The following YWHAE variants were observed in gnomAD, a reference collection of about 807,000 sequenced individuals.
The protein encoded by YWHAE is 14-3-3 protein epsilon.
In YWHAE, 4 loss-of-function variants were observed where a neutral mutation model predicts 30.1. The observed-to-expected ratio is 0.13, with a 90% confidence interval of 0.07 to 0.30. The LOEUF (loss-of-function observed/expected upper bound fraction) is 0.30. Ranked by LOEUF, YWHAE falls within the 10% of genes least tolerant of loss-of-function variation. YWHAE has a pLI of 1.00. For missense variants in YWHAE, 121 were observed against 315.9 expected (o/e 0.38, Z 4.68); for synonymous variants, 118 against 111.8 (o/e 1.06, Z -0.35).
At chr17:1,399,944 C>T in intron 1 of YWHAE, 103 bp downstream of exon 1, 1 of 1,438,572 alleles carries the variant, frequency 7.0e-7, no homozygotes, top group Non-Finnish European at 9.8e-7. Flanking sequence ...GCCCCCGGGC[C>T]AGGCTCGCAG....
intron 1 of YWHAE, among the ~76,000 whole-genome samples, chr17:1,386,693 T>C (rs929649774): frequency 1.3e-5 from 2 of 152,208 alleles, no homozygotes; most frequent in Non-Finnish European, 2.9e-5. Context: ...CTCACGCCTA[T>C]AATCCCAGCT....
At chr17:1,358,829 TAAA>T (rs35681702) in intron 4 of YWHAE, among the ~76,000 whole-genome samples, 1 of 111,336 alleles carries the variant, frequency 9.0e-6, no homozygotes, top group Non-Finnish European at 1.8e-5. Context: ...GACTCCATCT[TAAA>T]AAAAAAAAAA....
At chr17:1,359,881 G>T (rs993704284) in intron 4 of YWHAE, among the ~76,000 whole-genome samples, 9 of 139,704 alleles carry the variant, frequency 6.4e-5, no homozygotes, top group Admixed American at 2.2e-4. Context: ...TCGCCCAGGC[G>T]AGAGGGAGAG....
intron 5 of YWHAE, among the ~76,000 whole-genome samples, chr17:1,349,700 G>A (rs1023092657): frequency 2.7e-5 from 4 of 150,336 alleles, no homozygotes; most frequent in Non-Finnish European, 4.4e-5. Flanking sequence ...TGCAAGCTCC[G>A]CCTCTGGGTT....
chr17:1,349,990 T>C (rs372138333), intron 5 of YWHAE, among the ~76,000 whole-genome samples: 5 of 151,446 alleles, frequency 3.3e-5, no homozygotes, highest in Admixed American at 3.3e-4. Context: ...TTCTCTCTTG[T>C]TGCCCAGGCT....
intron 1 of YWHAE, among the ~76,000 whole-genome samples, chr17:1,373,224 C>A (rs985602412): frequency 2.0e-5 from 3 of 151,862 alleles, no homozygotes; most frequent in African/African-American, 7.3e-5. Flanking sequence ...ACCTAAGCAA[C>A]AAGAGCGAAA....
intron 5 of YWHAE, among the ~76,000 whole-genome samples, chr17:1,353,708 A>C (rs1271009587): frequency 6.6e-6 from 1 of 151,372 alleles, no homozygotes; most frequent in African/African-American, 2.4e-5. Flanking sequence ...AGTTTGCAGT[A>C]AGCCGAGATT....
chr17:1,397,563 C>T (rs183128553), intron 1 of YWHAE, among the ~76,000 whole-genome samples: 1 of 152,214 alleles, frequency 6.6e-6, no homozygotes, highest in Non-Finnish European at 1.5e-5. Context: ...GCTGCAGTAA[C>T]AGAGAGATAA....
intron 4 of YWHAE, among the ~76,000 whole-genome samples, chr17:1,357,629 TAA>T (rs1434971141): frequency 6.6e-6 from 1 of 150,882 alleles, no homozygotes; most frequent in Non-Finnish European, 1.5e-5. Flanking sequence ...ATATTTACTG[TAA>T]AAATTTAAAA....
At chr17:1,398,328 A>C (rs2073505020) in intron 1 of YWHAE, among the ~76,000 whole-genome samples, 4 of 53,704 alleles carry the variant, frequency 7.4e-5, no homozygotes, top group Admixed American at 6.7e-4. Flanking sequence ...GTACTTCCCC[A>C]TCTTATCCCC....
intron 4 of YWHAE, among the ~76,000 whole-genome samples, chr17:1,360,339 G>C (rs2072844165): frequency 6.6e-6 from 1 of 152,044 alleles, no homozygotes; most frequent in African/African-American, 2.4e-5. Flanking sequence ...TCAAAAACTG[G>C]GAACAAGCTG....
Position 1,369,973 on chromosome 17 carries a change from C to G in YWHAE, c.65-4915G>C, listed in dbSNP as rs184359039. On this transcript the variant is annotated intron_variant, in intron 1 of 5. Coordinates refer to ENST00000264335, the MANE Select transcript of YWHAE (RefSeq NM_006761.5). ...AAGGTTTTTGCCTTGATGTTGATGG[C>G]TACTGACTGCTTAGGGTGATGGCTG... Among the ~76,000 whole-genome samples the G allele has an allele frequency of 1.6e-4, 25 of 152,262 alleles. No homozygotes were observed. The Middle Eastern group carries it at 0.01, about 62-fold the overall frequency.
chr17:1,387,771 C>G (rs1350962964), intron 1 of YWHAE, among the ~76,000 whole-genome samples: 5 of 151,550 alleles, frequency 3.3e-5, no homozygotes, highest in Non-Finnish European at 5.9e-5. Context: ...TACAAGCGCA[C>G]GCCACCACGC....
At chr17:1,350,398 G>C (rs886200212) in intron 5 of YWHAE, among the ~76,000 whole-genome samples, 4 of 152,118 alleles carry the variant, frequency 2.6e-5, no homozygotes, top group African/African-American at 9.7e-5. Context: ...AGCTACAGAA[G>C]TAATCCAGAC....
intron 1 of YWHAE, among the ~76,000 whole-genome samples, chr17:1,392,439 A>G (rs1473610339): frequency 6.6e-6 from 1 of 152,094 alleles, no homozygotes; most frequent in African/African-American, 2.4e-5. Context: ...GAAAATAGCC[A>G]TTTTTCTTGC....
chr17:1,370,314 G>A (rs1386578587), intron 1 of YWHAE, among the ~76,000 whole-genome samples: 2 of 151,514 alleles, frequency 1.3e-5, no homozygotes, highest in Non-Finnish European at 2.9e-5. Context: ...TGTATTTTTA[G>A]TAGAGGCGGG....
At chr17:1,383,188 T>C (rs1363262756) in intron 1 of YWHAE, among the ~76,000 whole-genome samples, 1 of 151,330 alleles carries the variant, frequency 6.6e-6, no homozygotes, top group African/African-American at 2.4e-5. Context: ...CCATCTCTAC[T>C]AAAAATACAA....
At chr17:1,354,821 C>T (rs1175760937) in intron 4 of YWHAE, among the ~76,000 whole-genome samples, 2 of 151,852 alleles carry the variant, frequency 1.3e-5, no homozygotes, top group Non-Finnish European at 2.9e-5. Context: ...CGCCACCACA[C>T]CCGGCTAATT....
intron 1 of YWHAE, among the ~76,000 whole-genome samples, chr17:1,387,001 T>C (rs2073310610): frequency 6.6e-6 from 1 of 151,434 alleles, no homozygotes; most frequent in Non-Finnish European, 1.5e-5. Context: ...TGTAACCTTC[T>C]ATGAAACTTT....
Sources: allele counts gnomAD v4.1 joint callset (sites outside exome capture counted in the v4.1 genomes callset), GRCh38; gene constraint gnomAD v4.1.1; transcripts MANE v1.5; gene names NCBI Gene and HGNC (gene_info 2026-07-23, HGNC 2026-07-21).